CNOT4: variants seen among roughly 807,000 people sequenced by gnomAD.
CNOT4 encodes CCR4-NOT transcription complex subunit 4, also known as CCR4-associated factor 4.
Under a neutral mutation model 73.8 loss-of-function variants are expected in CNOT4, and 8 were observed. That is an observed-to-expected ratio of 0.11 (90% CI 0.06 to 0.20). The LOEUF (loss-of-function observed/expected upper bound fraction) is 0.20, where lower values mean the gene tolerates loss of function less well. Ranked by LOEUF, CNOT4 falls within the 10% of genes least tolerant of loss-of-function variation. The probability of loss-of-function intolerance (pLI) is 1.00; values close to 1 mark genes in which losing one functional copy is unlikely to be tolerated. For synonymous variants in CNOT4, 293 were observed against 321.1 expected, an observed-to-expected ratio of 0.91 and a Z score of 0.94; for missense variants, 564 against 883.4, an observed-to-expected ratio of 0.64 and a Z score of 4.58.
intron 1 of CNOT4, among the ~76,000 whole-genome samples, chr7:135,459,537 A>G (rs764356527): frequency 2.6e-5 from 4 of 152,258 alleles, no homozygotes; most frequent in Non-Finnish European, 4.4e-5. Context: ...GGTATATAAC[A>G]TGAAATATAA....
intron 10 of CNOT4, among the ~76,000 whole-genome samples, chr7:135,382,146 T>C (rs965954712): frequency 6.6e-6 from 1 of 152,208 alleles, no homozygotes; most frequent in African/African-American, 2.4e-5. Flanking sequence ...TTAGATTACT[T>C]AGGCTTGCTC....
At chr7:135,485,815 A>G (rs1438734403) in intron 1 of CNOT4, among the ~76,000 whole-genome samples, 2 of 152,248 alleles carry the variant, frequency 1.3e-5, no homozygotes, top group African/African-American at 2.4e-5. Context: ...TGTAAAACGT[A>G]AAAGTATAAA....
intron 10 of CNOT4, among the ~76,000 whole-genome samples, chr7:135,392,892 G>A (rs1322517398): frequency 6.6e-6 from 1 of 152,088 alleles, no homozygotes; most frequent in Non-Finnish European, 1.5e-5. Flanking sequence ...AAACAAGAGC[G>A]TGAACTTCTG....
chr7:135,494,212 G>A (rs1563082405), intron 1 of CNOT4, among the ~76,000 whole-genome samples: 1 of 152,052 alleles, frequency 6.6e-6, no homozygotes, highest in Non-Finnish European at 1.5e-5. Context: ...GCTCACACCT[G>A]TAATCCCAGC....
chr7:135,441,772 G>A (rs1186679462), intron 1 of CNOT4, among the ~76,000 whole-genome samples: 3 of 152,132 alleles, frequency 2.0e-5, no homozygotes, highest in Non-Finnish European at 2.9e-5. Context: ...CTGATGTTTT[G>A]CTTTTTGATT....
Position 135,438,153 on chromosome 7 carries a change from T to C in CNOT4, c.174+5A>G, listed in dbSNP as rs377688439. On this transcript the variant is annotated splice_donor_5th_base_variant and intron_variant, in intron 2 of 11. Transcript: ENST00000541284. ...ATCACTGTGAAGTTATTTTGAAGTA[T>C]TTACCTTTCTACATGCAGGACAAAG... The C allele has an allele frequency of 1.0e-4, 156 of 1,519,416 alleles. No homozygotes were observed. Among genetic ancestry groups the C allele is most frequent in the Non-Finnish European group, 1.4e-4 (151 of 1,095,846 alleles). The allele number at this position is 1,519,416 out of a possible 1,614,324, so 94.1% of individuals were successfully genotyped here.
rs972500330 is a variant in CNOT4, at chr7:135,484,215, A to G, written c.-93+25674T>C. On this transcript the variant is annotated intron_variant, in intron 1 of 11. Coordinates refer to ENST00000541284, the MANE Select transcript of CNOT4 (RefSeq NM_001190850.2). ...ATCTCAAAATAAATAAATTAATTTAATTTAAAAAAGAAAAATAGTATATTT... is the reference window on the plus strand; with the variant it reads ...ATCTCAAAATAAATAAATTAATTTAGTTTAAAAAAGAAAAATAGTATATTT... Among the ~76,000 whole-genome samples, 4 of 152,206 alleles carry G rather than the reference A, an allele frequency of 2.6e-5. No individual in the cohort carries two copies. The East Asian group carries it at 5.8e-4, about 22-fold the overall frequency.
chr7:135,467,282 C>G (rs1801279081), intron 1 of CNOT4, among the ~76,000 whole-genome samples: 1 of 152,190 alleles, frequency 6.6e-6, no homozygotes, highest in South Asian at 2.1e-4. Flanking sequence ...TTCAAGATTT[C>G]AAAATTTATC....
chr7:135,410,146 T>A (rs894428277), intron 7 of CNOT4, among the ~76,000 whole-genome samples: 2 of 152,104 alleles, frequency 1.3e-5, no homozygotes, highest in African/African-American at 4.8e-5. Flanking sequence ...ACACCCACTT[T>A]CCCTTTTATA....
intron 1 of CNOT4, among the ~76,000 whole-genome samples, chr7:135,507,539 A>G (rs1312452516): frequency 1.3e-5 from 2 of 152,238 alleles, no homozygotes; most frequent in African/African-American, 2.4e-5. Context: ...TGAAGAATTC[A>G]GTAACTGCGG....
chr7:135,503,103 G>C (rs544758801), intron 1 of CNOT4, among the ~76,000 whole-genome samples: 175 of 152,054 alleles, frequency 1.2e-3, no homozygotes, highest in Middle Eastern at 6.9e-3. Flanking sequence ...CAGTGAGCCG[G>C]GATGGCACCA....
intron 1 of CNOT4, among the ~76,000 whole-genome samples, chr7:135,507,914 T>C (rs1438141161): frequency 6.6e-6 from 1 of 152,222 alleles, no homozygotes; most frequent in African/African-American, 2.4e-5. Flanking sequence ...CTTGCAGTTC[T>C]AAGAGTAGGT....
intron 1 of CNOT4, 190 bp downstream of exon 1, chr7:135,509,699 A>G: frequency 4.6e-6 from 1 of 218,546 alleles, no homozygotes; most frequent in Non-Finnish European, 9.0e-6. Context: ...CCTTATGGTA[A>G]CTGCTGTGGC....
chr7:135,410,415 A>G lies in CNOT4; in HGVS notation c.821+100T>C, dbSNP rs544807918. On this transcript the variant is annotated intron_variant, in intron 7 of 11. Coordinates refer to ENST00000541284, the MANE Select transcript of CNOT4 (RefSeq NM_001190850.2). ...CTAAACAATTCTGCATAAATGACAG[A>G]CCTTGTCAACAAGGATTTTGCCTGA... is the stretch of plus-strand genomic sequence containing the variant. 3 of 769,632 alleles carry G rather than the reference A, an allele frequency of 3.9e-6. No homozygotes were observed. The Admixed American group carries it at 8.9e-5, about 23-fold the overall frequency. 47.7% of individuals were successfully genotyped at this position (769,632 alleles called of 1,614,324 possible). A position where few individuals can be genotyped will look rare whatever the true frequency, so the allele number is the denominator to read the frequency against.
At chr7:135,415,395 T>C in intron 3 of CNOT4, 133 bp from the exon 4 acceptor site, 1 of 552,270 alleles carries the variant, frequency 1.8e-6, no homozygotes, top group Admixed American at 3.4e-5. Context: ...TAAATGTCAC[T>C]ACCTCCTAAT....
In CNOT4 at chr7:135,489,693, G is replaced by A. The variant is rs55676420; in HGVS notation, c.-93+20196C>T. The stretch of plus-strand genomic sequence containing the variant: ...TTACAGGCATGAGCCACTGCGCCTG[G>A]CCGACTAGCCACATTTCCTGTGCTC... On this transcript the variant is annotated intron_variant, in intron 1 of 11. Coordinates refer to ENST00000541284, the MANE Select transcript of CNOT4 (RefSeq NM_001190850.2). Among the ~76,000 whole-genome samples, 215 of 152,232 alleles carry A rather than the reference G, an allele frequency of 1.4e-3. 1 individual carries two copies. The highest frequency in any genetic ancestry group is 4.8e-3 in the African/African-American group (199 of 41,528).
Position 135,410,587 on chromosome 7 carries a change from T to C in CNOT4, c.749A>G (p.Asn250Ser), listed in dbSNP as rs778153659. 2.3e-5 allele frequency: 37 copies of C among 1,595,488 alleles called. No individual in the cohort carries two copies. The highest frequency in any genetic ancestry group is 2.7e-5 in the Non-Finnish European group (32 of 1,171,314). The part of the protein sequence containing the change: ...LLQELYKLNP[N>S]FLQLSTGSVD... Reference sequence around the variant, plus strand: ...TGAACCCGTAGATAGCTGAAGAAAATTGGGATTTAATTTATATAATTCTTG... The same window carrying C: ...TGAACCCGTAGATAGCTGAAGAAAACTGGGATTTAATTTATATAATTCTTG... The change falls in exon 7 of 12, where the codon AAT becomes AGT. Residue 250 changes from asparagine to serine, a missense_variant. By Grantham distance (46) the Asn-to-Ser change is conservative (BLOSUM62 1). Transcript: ENST00000541284.
intron 6 of CNOT4, among the ~76,000 whole-genome samples, chr7:135,411,873 T>C (rs1797605571): frequency 6.6e-6 from 1 of 151,910 alleles, no homozygotes; most frequent in Non-Finnish European, 1.5e-5. Context: ...CCTATAAATA[T>C]TTCCTATGGC....
chr7:135,400,347 T>C (rs1011611196), intron 7 of CNOT4, among the ~76,000 whole-genome samples: 3 of 152,090 alleles, frequency 2.0e-5, no homozygotes, highest in African/African-American at 7.2e-5. Context: ...CGGAACATAA[T>C]AGCGATAATC....
Sources: gnomAD v4.1 joint callset for allele counts (sites outside exome capture counted in the v4.1 genomes callset) on GRCh38, gnomAD v4.1.1 for gene constraint, MANE v1.5 for transcripts, NCBI Gene and HGNC (gene_info 2026-07-23, HGNC 2026-07-21) for gene names.